ZNF263: variants seen among roughly 807,000 people sequenced by gnomAD.
ZNF263 encodes zinc finger protein 263, also known as zinc finger protein FPM315.
ZNF263 carries 49 observed loss-of-function variants against 63.1 expected under a neutral mutation model. The ratio of observed to expected loss-of-function variants is 0.78; its 90% confidence interval spans 0.62 to 0.99. The LOEUF (loss-of-function observed/expected upper bound fraction) is 0.99. Ranked by LOEUF, ZNF263 falls within the 50% of genes least tolerant of loss-of-function variation. ZNF263 has a pLI of 0.00. For missense variants in ZNF263, 872 were observed against 854.8 expected (o/e 1.02, Z -0.25); for synonymous variants, 352 against 324.2 (o/e 1.09, Z -0.92).
chr16:3,285,574 C>A (rs924421295), intron 2 of ZNF263, 107 bp from the exon 3 acceptor site: 4 of 1,178,760 alleles, frequency 3.4e-6, no homozygotes, highest in Non-Finnish European at 5.0e-6. Flanking sequence ...TAGCGTCATT[C>A]CCAAAAGCAG....
rs1959600212 is a variant in ZNF263, at chr16:3,291,140, T to C, written c.*582T>C. On this transcript the variant is annotated 3_prime_UTR_variant, in exon 6 of 6. Transcript: ENST00000219069. ...CTAACAGGAGTGCCCATTGGCAGATTACACATGTAAATATGACCTCAGACA... is the reference window on the plus strand; with the variant it reads ...CTAACAGGAGTGCCCATTGGCAGATCACACATGTAAATATGACCTCAGACA... The C allele has an allele frequency of 1.0e-6, 1 of 986,282 alleles. No homozygotes were observed. Among genetic ancestry groups the C allele is most frequent in the Non-Finnish European group, 1.2e-6 (1 of 830,572 alleles). 61.1% of individuals were successfully genotyped at this position (986,282 alleles called of 1,614,324 possible).
chr16:3,286,285 C>G, intron 4 of ZNF263, 136 bp downstream of exon 4: 4 of 1,321,954 alleles, frequency 3.0e-6, no homozygotes, highest in Non-Finnish European at 4.0e-6. Context: ...TGTCTAAAGT[C>G]CCCTGTACGA....
At chr16:3,299,316 C>A in intron 2 of ZNF263, 2 of 1,603,040 alleles carry the variant, frequency 1.2e-6, no homozygotes, top group Non-Finnish European at 1.7e-6. Context: ...CATCATCCAA[C>A]TTAGTTTCCA....
intron 5 of ZNF263, 120 bp from the exon 6 acceptor site, chr16:3,289,273 A>T (rs1315458422): frequency 9.4e-7 from 1 of 1,063,790 alleles, no homozygotes; most frequent in Non-Finnish European, 1.3e-6. Context: ...AGAGGATGGG[A>T]TTCTGAGGTA....
At position 3,285,678 on chromosome 16, in the gene ZNF263, C is replaced by T. The variant is rs938334485; in HGVS notation, c.569-3C>T. ...TTCTCATTATAATTTCTGTCACCTT[C>T]AGCATTATCTGCTCCCTGGCTTTCT... is the stretch of plus-strand genomic sequence containing the variant. On this transcript the variant is annotated splice_region_variant and splice_polypyrimidine_tract_variant and intron_variant, in intron 2 of 5. Transcript: ENST00000219069. 1.2e-6 allele frequency: 2 copies of T among 1,613,990 alleles called. No homozygotes were observed. Among genetic ancestry groups the T allele is most frequent in the African/African-American group, 1.3e-5 (1 of 75,008 alleles).
rs1407156089 is a variant in ZNF263, at chr16:3,289,955, G to A, written c.1449G>A (p.Thr483=). 5 of 1,613,550 alleles carry A rather than the reference G, an allele frequency of 3.1e-6. No individual in the cohort carries two copies. The highest frequency in any genetic ancestry group is 1.1e-5 in the South Asian group (1 of 91,056). ...CNSNLHRHQR[T]HTGEKPYKCP... ...CCAACCTCCACAGGCACCAGAGAAC[G>A]CACACTGGGGAGAAGCCCTACAAGT... Residue 483 remains threonine (T), a synonymous_variant, in exon 6 of 6, where the codon ACG becomes ACA. Coordinates refer to ENST00000219069, the MANE Select transcript of ZNF263 (RefSeq NM_005741.5).
At chr16:3,291,496 C>G (rs964383361), downstream of ZNF263, 3 of 985,246 alleles carry the variant, frequency 3.0e-6, no homozygotes, top group Admixed American at 6.1e-5. Context: ...TCTGTCTAGA[C>G]CCCCGAGTGT....
chr16:3,292,571 C>A (rs1323023316), downstream of ZNF263, among the ~76,000 whole-genome samples: 3 of 152,126 alleles, frequency 2.0e-5, no homozygotes, highest in Non-Finnish European at 4.4e-5. Flanking sequence ...AGCTGGTGTT[C>A]CTACAAAGCA....
chr16:3,293,891 A>G (rs1959678060), downstream of ZNF263, among the ~76,000 whole-genome samples: 1 of 152,250 alleles, frequency 6.6e-6, no homozygotes, highest in Non-Finnish European at 1.5e-5. Flanking sequence ...TCTCAGCACC[A>G]TAATCTGAAA....
In ZNF263 at chr16:3,283,785, T is replaced by G; in HGVS notation, c.-34T>G. On this transcript the variant is annotated 5_prime_UTR_variant, in exon 1 of 6. Transcript: ENST00000219069. ...GGGCGCCTTCGTAGGCGGGCACGGC[T>G]GGTTTCGGGCTAAGGCGCTCTGGAG... The G allele has an allele frequency of 1.3e-6, 2 of 1,505,328 alleles. No individual in the cohort carries two copies. The highest frequency in any genetic ancestry group is 2.6e-5 in the South Asian group (2 of 77,422). The allele number at this position is 1,505,328 out of a possible 1,614,324, so 93.2% of individuals were successfully genotyped here. A position where few individuals can be genotyped will look rare whatever the true frequency, so the allele number is the denominator to read the frequency against.
downstream of ZNF263, among the ~76,000 whole-genome samples, chr16:3,291,768 T>C (rs534893539): frequency 5.0e-4 from 76 of 152,362 alleles, no homozygotes; most frequent in Non-Finnish European, 8.7e-4. Context: ...TTGTTTAGAA[T>C]GTTTACATTC....
At chr16:3,296,926 G>A (rs1456854469) in intron 1 of ZNF263, among the ~76,000 whole-genome samples, 1 of 152,168 alleles carries the variant, frequency 6.6e-6, no homozygotes, top group East Asian at 1.9e-4. Flanking sequence ...GAGGAGGCTT[G>A]AATAAATTTT....
intron 1 of ZNF263, chr16:3,298,990 G>C: frequency 7.7e-7 from 1 of 1,297,838 alleles, no homozygotes; most frequent in Non-Finnish European, 1.0e-6. Flanking sequence ...AGAAGTTGAA[G>C]GCCCACTGAA....
chr16:3,299,073 T>C (rs779874893), intron 1 of ZNF263: 16 of 1,419,758 alleles, frequency 1.1e-5, no homozygotes, highest in African/African-American at 8.8e-5. Context: ...TCTGGAACTG[T>C]TTCTTGACTA....
intron 2 of ZNF263, chr16:3,299,761 T>A (rs1188761682): frequency 6.5e-7 from 1 of 1,549,536 alleles, no homozygotes; most frequent in Non-Finnish European, 8.7e-7. Context: ...GTCCTCGTCA[T>A]GAAATCTTAG....
chr16:3,300,425 C>A, intron 2 of ZNF263: 1 of 1,614,176 alleles, frequency 6.2e-7, no homozygotes, highest in Admixed American at 1.7e-5. Context: ...TCAGCCCCTA[C>A]TAATGGCATG....
At chr16:3,300,798 G>A in intron 2 of ZNF263, 1 of 1,040,852 alleles carries the variant, frequency 9.6e-7, no homozygotes, top group Non-Finnish European at 1.3e-6. Context: ...TCTAGAGGTG[G>A]AGGTCTTATG....
At chr16:3,285,027 T>G (rs1959290546) in intron 1 of ZNF263, 32 bp from the exon 2 acceptor site, 1 of 1,611,770 alleles carries the variant, frequency 6.2e-7, no homozygotes, top group Non-Finnish European at 8.5e-7. Flanking sequence ...TGGGCCCTGT[T>G]GTGATGATGA....
chr16:3,285,548 A>G, intron 2 of ZNF263, 133 bp from the exon 3 acceptor site: 1 of 875,814 alleles, frequency 1.1e-6, no homozygotes, highest in Non-Finnish European at 1.8e-6. Context: ...TCAGCTGATT[A>G]GGCCTCTGTG....
Sources: allele counts gnomAD v4.1 joint callset (sites outside exome capture counted in the v4.1 genomes callset), GRCh38; gene constraint gnomAD v4.1.1; transcripts MANE v1.5; gene names NCBI Gene and HGNC (gene_info 2026-07-23, HGNC 2026-07-21).